Variants in SLC13A4 observed in about 807,000 individuals in gnomAD.
SLC13A4 encodes solute carrier family 13 member 4.
A neutral mutation model predicts 72.7 loss-of-function variants in SLC13A4; 28 were observed. The ratio of observed to expected loss-of-function variants is 0.39; its 90% CI spans 0.29 to 0.53. The LOEUF (loss-of-function observed/expected upper bound fraction) is 0.53. Among genes scored for constraint, SLC13A4 ranks in the 20% least tolerant of loss-of-function variants. SLC13A4 has a pLI of 0.78. For missense variants in SLC13A4, 653 were observed against 788.0 expected, an observed-to-expected ratio of 0.83 and a Z score of 2.05; for synonymous variants, 312 against 325.5, an observed-to-expected ratio of 0.96 and a Z score of 0.45.
chr7:135,706,097 C>T, intron 4 of SLC13A4, 31 bp downstream of exon 4: 12 of 1,546,218 alleles, frequency 7.8e-6, no homozygotes, highest in East Asian at 2.3e-5. Flanking sequence ...GTTGGAGGAG[C>T]AAAGGAGAGA....
In SLC13A4 at chr7:135,727,461, C is replaced by G. The variant is rs139641428; in HGVS notation, c.36G>C (p.Lys12Asn). 47 of 1,550,354 alleles carry G rather than the reference C, an allele frequency of 3.0e-5. No individual in the cohort carries two copies. The African/African-American group carries it at 5.9e-4, about 19-fold the overall frequency. ...GCGGGACGCAGACGACCAGCAGCAG[C>G]TTCCGGACTCGGAGCAGGCCCTGCA... The part of the protein sequence containing the change: ...GLLQGLLRVR[K>N]LLLVVCVPLL... Residue 12 changes from lysine (K) to asparagine (N), a missense_variant, in exon 1 of 16, where the codon AAG (lysine) becomes AAC (asparagine). Physicochemically the swap from Lys to Asn is moderately conservative, Grantham distance 94. Coordinates refer to ENST00000682651, the MANE Select transcript of SLC13A4 (RefSeq NM_001318192.2).
At chr7:135,711,434 C>G (rs1488442667) in intron 2 of SLC13A4, among the ~76,000 whole-genome samples, 1 of 152,178 alleles carries the variant, frequency 6.6e-6, no homozygotes, top group African/African-American at 2.4e-5. Flanking sequence ...AGGAAAGCAA[C>G]CAGGAATATG....
chr7:135,702,024 C>T, intron 6 of SLC13A4: 1 of 347,670 alleles, frequency 2.9e-6, no homozygotes, highest in Non-Finnish European at 5.1e-6. Flanking sequence ...CTTTCTGGGA[C>T]TTTATTAGCT....
intron 15 of SLC13A4, 80 bp downstream of exon 15, chr7:135,684,044 G>A: frequency 2.1e-6 from 3 of 1,451,104 alleles, no homozygotes; most frequent in Non-Finnish European, 2.8e-6. Flanking sequence ...TACAAAATAA[G>A]CTTTGAAAGA....
chr7:135,724,788 C>T (rs550366457), intron 1 of SLC13A4, among the ~76,000 whole-genome samples: 62 of 152,276 alleles, frequency 4.1e-4, no homozygotes, highest in Admixed American at 1.2e-3. Context: ...TCTTTCCATA[C>T]AGTTTCCACT....
chr7:135,715,417 ATG>A, intron 2 of SLC13A4, among the ~76,000 whole-genome samples: 1 of 73,602 alleles, frequency 1.4e-5, no homozygotes, highest in South Asian at 4.8e-4. Context: ...GAGTGTGTGT[ATG>A]AGTGTGTGAG....
intron 15 of SLC13A4, chr7:135,683,265 C>CT (rs1313610550): frequency 1.5e-6 from 1 of 681,286 alleles, no homozygotes; most frequent in African/African-American, 2.2e-5. Flanking sequence ...CACCACTGAA[C>CT]TCCAGCCTGG....
rs143319005 is a variant in SLC13A4, at chr7:135,696,823, A to G, written c.900-1336T>C. Reference sequence around the variant, plus strand: ...AGTAACCTCCACATCACCAAATCTAATGGATACGTTTTCATCCTTACTTTG... The same window carrying G: ...AGTAACCTCCACATCACCAAATCTAGTGGATACGTTTTCATCCTTACTTTG... On this transcript the variant is annotated intron_variant, in intron 8 of 15. Coordinates refer to ENST00000682651, the MANE Select transcript of SLC13A4 (RefSeq NM_001318192.2). 2.0e-3 allele frequency among the ~76,000 whole-genome samples: 298 copies of G among 152,268 alleles called. 1 individual carries two copies. The highest frequency in any genetic ancestry group is 6.6e-3 in the African/African-American group (273 of 41,556).
At chr7:135,682,667 C>A (rs1244087718) in intron 15 of SLC13A4, among the ~76,000 whole-genome samples, 1 of 152,194 alleles carries the variant, frequency 6.6e-6, no homozygotes, top group Non-Finnish European at 1.5e-5. Flanking sequence ...TGAAAGGGAC[C>A]CCATGGAGCA....
intron 2 of SLC13A4, among the ~76,000 whole-genome samples, chr7:135,721,112 A>T (rs1295692227): frequency 6.6e-6 from 1 of 152,182 alleles, no homozygotes; most frequent in Non-Finnish European, 1.5e-5. Flanking sequence ...ACAGCTCCTA[A>T]AAGGCTTCAG....
intron 11 of SLC13A4, chr7:135,691,849 C>A: frequency 1.9e-6 from 1 of 529,928 alleles, no homozygotes; most frequent in Non-Finnish European, 3.4e-6. Flanking sequence ...CAGGGCCTGG[C>A]TAGAGTAGAT....
chr7:135,687,236 T>C (rs1023952922), intron 13 of SLC13A4, among the ~76,000 whole-genome samples: 1 of 152,120 alleles, frequency 6.6e-6, no homozygotes, highest in Non-Finnish European at 1.5e-5. Context: ...CTCTCTCTCT[T>C]CTATGGTGAC....
intron 13 of SLC13A4, among the ~76,000 whole-genome samples, chr7:135,689,560 C>T (rs184200596): frequency 6.6e-5 from 10 of 152,216 alleles, no homozygotes; most frequent in South Asian, 2.1e-4. Context: ...GTAGTGAGTC[C>T]TGAGGAGAGA....
rs562935888 is a variant in SLC13A4, at chr7:135,713,774, G to A, written c.229-5524C>T. Among the ~76,000 whole-genome samples the A allele has an allele frequency of 1.4e-4, 21 of 152,178 alleles. 2 individuals carry two copies. In the South Asian group the frequency reaches 3.3e-3, roughly 24 times the overall value. ...GTATTTTCAGTAGAGACGGGGTTTCGCCATGTTGGCCAGGCTGGTCTTCAA... is the reference window on the plus strand; with the variant it reads ...GTATTTTCAGTAGAGACGGGGTTTCACCATGTTGGCCAGGCTGGTCTTCAA... On this transcript the variant is annotated intron_variant, in intron 2 of 15. Coordinates refer to ENST00000682651, the MANE Select transcript of SLC13A4 (RefSeq NM_001318192.2).
chr7:135,694,257 C>T lies in SLC13A4; in HGVS notation c.1020-19G>A, dbSNP rs371858566. ...TTTAAAACTGAGAAGGGAGAATGAG[C>T]AAATGATTAAAGAAAACACACTTCT... On this transcript the variant is annotated intron_variant, in intron 9 of 15. Coordinates refer to ENST00000682651, the MANE Select transcript of SLC13A4 (RefSeq NM_001318192.2). 6 of 1,455,686 alleles carry T rather than the reference C, an allele frequency of 4.1e-6. No homozygotes were observed. The South Asian group carries it at 4.6e-5, about 11-fold the overall frequency. The allele number at this position is 1,455,686 out of a possible 1,614,324, so 90.2% of individuals were successfully genotyped here. A position where few individuals can be genotyped will look rare whatever the true frequency, so the allele number is the denominator to read the frequency against.
In SLC13A4 at chr7:135,685,701, AC is replaced by A; in HGVS notation, c.1447-19del. ...CCAGAGCTCTGTAGGAAGAGGTGTT[AC>A]AGTAAGAAGAAAGGAGAAGAAGCAC... is the stretch of plus-strand genomic sequence containing the variant. On this transcript the variant is annotated intron_variant, in intron 13 of 15. Coordinates refer to ENST00000682651, the MANE Select transcript of SLC13A4 (RefSeq NM_001318192.2). 1 of 1,602,352 alleles carries A rather than the reference AC, an allele frequency of 6.2e-7. No homozygotes were observed. The highest frequency in any genetic ancestry group is 8.5e-7 in the Non-Finnish European group (1 of 1,170,454).
chr7:135,681,613 C>A lies in SLC13A4; in HGVS notation c.1834G>T (p.Asp612Tyr). The A allele has an allele frequency of 6.2e-7, 1 of 1,614,100 alleles. No individual in the cohort carries two copies. The highest frequency in any genetic ancestry group is 1.1e-5 in the South Asian group (1 of 91,068). Residue 612 changes from aspartate (D) to tyrosine (Y), a missense_variant, in exon 16 of 16, where the codon GAC becomes TAC. Physicochemically the swap from Asp to Tyr is radical, Grantham distance 160. Coordinates refer to ENST00000682651, the MANE Select transcript of SLC13A4 (RefSeq NM_001318192.2). ...ACCCTCGCCCATGCTGGGTAAGTGTCCAGGTGGAAGAGGCTAACTCCCCAG... is the reference window on the plus strand; with the variant it reads ...ACCCTCGCCCATGCTGGGTAAGTGTACAGGTGGAAGAGGCTAACTCCCCAG... ...NTWGVSLFHL[D>Y]TYPAWARVSN...
At chr7:135,715,160 A>T (rs58792500) in intron 2 of SLC13A4, among the ~76,000 whole-genome samples, 59,039 of 145,070 alleles carry the variant, frequency 0.41, 13,705 homozygotes, top group African/African-American at 0.64. Context: ...TGAGTGTGTG[A>T]GAGTATATAT....
intron 10 of SLC13A4, among the ~76,000 whole-genome samples, 181 bp downstream of exon 10, chr7:135,693,956 G>A (rs1342503675): frequency 6.6e-6 from 1 of 152,180 alleles, no homozygotes; most frequent in East Asian, 1.9e-4. Context: ...GGGAAGGGTG[G>A]CCACCTGAAA....
Sources: gnomAD v4.1 joint callset for allele counts (sites outside exome capture counted in the v4.1 genomes callset) on GRCh38, gnomAD v4.1.1 for gene constraint, MANE v1.5 for transcripts, NCBI Gene and HGNC (gene_info 2026-07-23, HGNC 2026-07-21) for gene names.